Variants in SETD1A observed in about 807,000 individuals in gnomAD.
The protein encoded by SETD1A is histone-lysine N-methyltransferase SETD1A.
A neutral mutation model predicts 149.9 loss-of-function variants in SETD1A; 29 were observed. The ratio of observed to expected loss-of-function variants is 0.19; its 90% CI spans 0.14 to 0.26. The LOEUF (loss-of-function observed/expected upper bound fraction) is 0.26, where lower values mean the gene tolerates loss of function less well. Ranked by LOEUF, SETD1A falls within the 10% of genes least tolerant of loss-of-function variation. The probability of loss-of-function intolerance (pLI) is 1.00; values close to 1 mark genes in which losing one functional copy is unlikely to be tolerated. For missense variants in SETD1A, 2,109 were observed against 2,353.1 expected (o/e 0.90, Z 2.15); for synonymous variants, 1,141 against 968.5 (o/e 1.18, Z -3.31).
Position 30,980,540 on chromosome 16 carries a change from G to A in SETD1A, c.4464G>A (p.Glu1488=). The change falls in exon 15 of 19, where the codon GAG becomes GAA. Residue 1488 remains glutamate, a synonymous_variant. Coordinates refer to ENST00000262519, the MANE Select transcript of SETD1A (RefSeq NM_014712.3). This position sits in a 1 kb window ranked among gnomAD's most constrained non-coding sequence, Gnocchi z 7.7. ...RKRRPQDGPR[E]HQTGSARSEG... The stretch of plus-strand genomic sequence containing the variant: ...GGCGGCCCCAGGATGGGCCCCGGGA[G>A]CACCAGACAGGCTCAGCCCGCAGCG... 2.5e-6 allele frequency: 4 copies of A among 1,614,154 alleles called. No homozygotes were observed. Among genetic ancestry groups the A allele is most frequent in the Non-Finnish European group, 3.4e-6 (4 of 1,180,026 alleles).
At chr16:30,969,513 C>T (rs1384810276) in intron 11 of SETD1A, 51 bp downstream of exon 11, 5 of 1,599,122 alleles carry the variant, frequency 3.1e-6, no homozygotes, top group African/African-American at 1.3e-5. Flanking sequence ...CCATAGCCAG[C>T]ATCTTTGTGG....
At chr16:30,967,677 C>G in intron 10 of SETD1A, 89 bp downstream of exon 10, 2 of 1,105,082 alleles carry the variant, frequency 1.8e-6, no homozygotes, top group Non-Finnish European at 2.7e-6. Context: ...TCAGGTCGTC[C>G]TGAGGGCACA....
Position 30,971,716 on chromosome 16 carries a change from G to A in SETD1A, c.3355G>A (p.Ala1119Thr), listed in dbSNP as rs763821551. ...PEQEASPARPAGPTEESPPSA... is the reference protein window; with the variant it reads ...PEQEASPARPTGPTEESPPSA... ...ACAGGAGGCGTCTCCAGCAAGGCCT[G>A]CAGGTAGGTGCCACAGGGCTGTCGG... The change falls in exon 13 of 19, where the codon GCA becomes ACA. Residue 1119 changes from alanine to threonine, a missense_variant. By Grantham distance (58) the Ala-to-Thr change is moderately conservative (BLOSUM62 0). Coordinates refer to ENST00000262519, the MANE Select transcript of SETD1A (RefSeq NM_014712.3). 5.1e-6 allele frequency: 8 copies of A among 1,559,162 alleles called. No individual in the cohort carries two copies. In the South Asian group the frequency reaches 8.4e-5, roughly 16 times the overall value.
intron 6 of SETD1A, 41 bp downstream of exon 6, chr16:30,964,364 T>C (rs748731713): frequency 1.3e-6 from 2 of 1,508,990 alleles, no homozygotes; most frequent in South Asian, 2.3e-5. Flanking sequence ...CCGCAAAGTC[T>C]GGGAGCTGCC....
At chr16:30,974,755 C>G (rs1030392374) in intron 13 of SETD1A, among the ~76,000 whole-genome samples, 2 of 152,122 alleles carry the variant, frequency 1.3e-5, no homozygotes, top group South Asian at 4.1e-4. Flanking sequence ...ACCTGTAATC[C>G]CAGCACTTTG....
chr16:30,975,519 T>C (rs1156986099), intron 13 of SETD1A, among the ~76,000 whole-genome samples: 3 of 148,042 alleles, frequency 2.0e-5, no homozygotes, highest in African/African-American at 7.5e-5. Context: ...CAACCTCCGC[T>C]TCCCGGGTTC....
rs1354899701 is a variant in SETD1A at position 30,980,676 on chromosome 16, C to T, written c.4581+19C>T. The T allele has an allele frequency of 6.2e-7, 1 of 1,610,220 alleles. No individual in the cohort carries two copies. Among genetic ancestry groups the T allele is most frequent in the Middle Eastern group, 1.7e-4 (1 of 6,048 alleles). ...CACTCAGGTGGGCCTAACCCCGCCGCCGCGTCCTCCTGCCACTCACTTCCC... is the reference window on the plus strand; with the variant it reads ...CACTCAGGTGGGCCTAACCCCGCCGTCGCGTCCTCCTGCCACTCACTTCCC... On this transcript the variant is annotated intron_variant, in intron 15 of 18. Transcript: ENST00000262519. This position sits in a 1 kb window ranked among gnomAD's most constrained non-coding sequence, Gnocchi z 7.7.
intron 13 of SETD1A, among the ~76,000 whole-genome samples, chr16:30,976,072 T>C (rs956823325): frequency 2.6e-5 from 4 of 151,930 alleles, no homozygotes; most frequent in Non-Finnish European, 4.4e-5. Flanking sequence ...GCTGTAGGAC[T>C]GTGAGAGGAA....
intron 13 of SETD1A, among the ~76,000 whole-genome samples, chr16:30,973,710 CGTT>C (rs923151524): frequency 4.6e-5 from 7 of 152,198 alleles, no homozygotes; most frequent in African/African-American, 1.4e-4. Context: ...CCCAGTTGCA[CGTT>C]GTTGAGAATC....
chr16:30,965,039 C>G lies in SETD1A; in HGVS notation c.1297C>G (p.Pro433Ala), dbSNP rs766897464. Residue 433 changes from proline to alanine, a missense_variant, in exon 7 of 19, where the codon CCA (proline) becomes GCA (alanine). Physicochemically the swap from Pro to Ala is conservative, Grantham distance 27 (BLOSUM62 -1). Around this residue, in one of 8 missense-constraint regions of SETD1A, gnomAD observed 410 missense variants for 394.8 expected, o/e 1.04. Coordinates refer to ENST00000262519, the MANE Select transcript of SETD1A (RefSeq NM_014712.3). Reference sequence around the variant, plus strand: ...CTACCGGCCTCCTGCCTCAGAGGCTCCACCCCCGGAGCCTCCAGAACCTGG... The same window carrying G: ...CTACCGGCCTCCTGCCTCAGAGGCTGCACCCCCGGAGCCTCCAGAACCTGG... The part of the protein sequence containing the change: ...QDYRPPASEA[P>A]PPEPPEPGGG... 1.2e-6 allele frequency: 2 copies of G among 1,612,870 alleles called. No individual in the cohort carries two copies. Among genetic ancestry groups the G allele is most frequent in the East Asian group, 2.2e-5 (1 of 44,870 alleles).
At chr16:30,969,245 A>G (rs2056193335) in intron 10 of SETD1A, 60 bp from the exon 11 acceptor site, 4 of 1,538,442 alleles carry the variant, frequency 2.6e-6, no homozygotes, top group African/African-American at 2.7e-5. Flanking sequence ...AGCCCCTTGC[A>G]CAGGGCAAGT....
intron 3 of SETD1A, among the ~76,000 whole-genome samples, chr16:30,960,437 G>T (rs2056034716): frequency 6.6e-6 from 1 of 152,208 alleles, no homozygotes; most frequent in Non-Finnish European, 1.5e-5. Context: ...CCAAATCTCA[G>T]TAAGAATGAC....
intron 13 of SETD1A, among the ~76,000 whole-genome samples, chr16:30,972,372 T>TA (rs1451331893): frequency 6.6e-6 from 1 of 152,122 alleles, no homozygotes; most frequent in East Asian, 1.9e-4. Context: ...CGCGGTGGCT[T>TA]ACGCCTGTAA....
rs960778167 is a variant in SETD1A, at chr16:30,979,154, A to C, written c.3368A>C (p.Glu1123Ala). 3.8e-6 allele frequency: 6 copies of C among 1,568,304 alleles called. No homozygotes were observed. Among genetic ancestry groups the C allele is most frequent in the Non-Finnish European group, 5.2e-6 (6 of 1,157,432 alleles). The change falls in exon 14 of 19, where the codon GAG (glutamate) becomes GCG (alanine). Residue 1123 changes from glutamate to alanine, a missense_variant. This residue lies in a region of SETD1A where 832 missense variants were observed against 815.6 expected (regional missense o/e 1.02). Coordinates refer to ENST00000262519, the MANE Select transcript of SETD1A (RefSeq NM_014712.3). ...ASPARPAGPT[E>A]ESPPSAPLRP... Reference sequence around the variant, plus strand: ...TGTGCTTCCTTCCCAGGCCCCACGGAGGAGTCACCCCCCAGTGCGCCTCTG... The same window carrying C: ...TGTGCTTCCTTCCCAGGCCCCACGGCGGAGTCACCCCCCAGTGCGCCTCTG...
At chr16:30,978,041 C>T (rs1041016290) in intron 13 of SETD1A, among the ~76,000 whole-genome samples, 26 of 151,496 alleles carry the variant, frequency 1.7e-4, no homozygotes, top group Admixed American at 2.0e-4. Context: ...TTTGGGAGGC[C>T]GAGGCGGGCA....
rs1439336772 is a variant in SETD1A at position 30,964,089 on chromosome 16, T to C, written c.640-5T>C. 2.5e-6 allele frequency: 4 copies of C among 1,610,580 alleles called. No individual in the cohort carries two copies. The highest frequency in any genetic ancestry group is 3.4e-6 in the Non-Finnish European group (4 of 1,179,472). ...CTCTCTCCTTGCCCTGCTCTGTCGC[T>C]CTAGGCCGAATCCCGCCGCCGCTCT... On this transcript the variant is annotated splice_polypyrimidine_tract_variant and splice_region_variant and intron_variant, in intron 5 of 18. Transcript: ENST00000262519.
In SETD1A at chr16:30,979,354, A is replaced by G; in HGVS notation, c.3568A>G (p.Lys1190Glu). 9.3e-6 allele frequency: 15 copies of G among 1,612,564 alleles called. No individual in the cohort carries two copies. Among genetic ancestry groups the G allele is most frequent in the Non-Finnish European group, 1.3e-5 (15 of 1,179,450 alleles). The change falls in exon 14 of 19, where the codon AAG (lysine) becomes GAG (glutamate). Residue 1190 changes from lysine to glutamate, a missense_variant. Transcript: ENST00000262519. ...EPPPATPPQAKFPGPASRKAP... is the reference protein window; with the variant it reads ...EPPPATPPQAEFPGPASRKAP... Reference sequence around the variant, plus strand: ...CCCTCCAGCCACACCGCCGCAGGCCAAGTTTCCCGGCCCAGCCTCCCGCAA... The same window carrying G: ...CCCTCCAGCCACACCGCCGCAGGCCGAGTTTCCCGGCCCAGCCTCCCGCAA...
At chr16:30,978,427 G>A (rs2056314680) in intron 13 of SETD1A, among the ~76,000 whole-genome samples, 2 of 152,144 alleles carry the variant, frequency 1.3e-5, no homozygotes, top group Non-Finnish European at 2.9e-5. Flanking sequence ...GGCGGCCAAG[G>A]GAGGATGCAC....
Position 30,980,117 on chromosome 16 carries a change from G to T in SETD1A, c.4331G>T (p.Arg1444Leu). Residue 1444 changes from arginine to leucine, a missense_variant, in exon 14 of 19, where the codon CGG becomes CTG. Physicochemically the swap from Arg to Leu is moderately radical, Grantham distance 102. Coordinates refer to ENST00000262519, the MANE Select transcript of SETD1A (RefSeq NM_014712.3). The surrounding 1 kb of genome is among the most constrained non-coding windows in gnomAD (Gnocchi z 7.7). The stretch of plus-strand genomic sequence containing the variant: ...GACTCAGAGGACATGAGTTACCTGC[G>T]GCTTACGTACGAGCGGCTGCTGCAG... ...GLDSEDMSYL[R>L]LTYERLLQQT... 6.2e-7 allele frequency: 1 copy of T among 1,613,408 alleles called. No individual in the cohort carries two copies. Among genetic ancestry groups the T allele is most frequent in the South Asian group, 1.1e-5 (1 of 91,040 alleles).
Sources: allele counts gnomAD v4.1 joint callset (sites outside exome capture counted in the v4.1 genomes callset), GRCh38; gene constraint gnomAD v4.1.1; regional missense constraint gnomAD v4.1.1; non-coding constraint Gnocchi (gnomAD v3.1); transcripts MANE v1.5; gene names NCBI Gene and HGNC (gene_info 2026-07-23, HGNC 2026-07-21).